Variants in TMTC2 observed in about 807,000 individuals in gnomAD.
TMTC2 encodes the protein protein O-mannosyl-transferase TMTC2.
Under a neutral mutation model 82.4 loss-of-function variants are expected in TMTC2, and 43 were observed. The observed-to-expected ratio is 0.52, with a 90% confidence interval of 0.41 to 0.67. The LOEUF (loss-of-function observed/expected upper bound fraction) is 0.67, where lower values mean the gene tolerates loss of function less well. TMTC2 is among the 30% of genes least tolerant of loss of function. The probability of loss-of-function intolerance (pLI) is 0.00; values close to 1 mark genes in which losing one functional copy is unlikely to be tolerated. For synonymous variants in TMTC2, 408 were observed against 381.9 expected, an observed-to-expected ratio of 1.07 and a Z score of -0.80; for missense variants, 919 against 1,012.4, an observed-to-expected ratio of 0.91 and a Z score of 1.25.
In TMTC2 at chr12:82,687,685, G is replaced by C. The variant is rs574392764; in HGVS notation, c.83+16G>C. On this transcript the variant is annotated intron_variant, in intron 1 of 11. Transcript: ENST00000321196. ...ATGATGACAGGTAAGGGGCCGAGAG[G>C]AGGGGGCGACGGGCTGCAGGGGGCA... 1.1e-5 allele frequency: 17 copies of C among 1,598,614 alleles called. No individual in the cohort carries two copies. The African/African-American group carries it at 1.5e-4, about 14-fold the overall frequency.
chr12:82,862,295 A>G (rs186245348), intron 2 of TMTC2, among the ~76,000 whole-genome samples: 14 of 152,326 alleles, frequency 9.2e-5, no homozygotes, highest in Admixed American at 1.3e-4. Flanking sequence ...TTCTTGCCCA[A>G]CGTCAGTCAT....
intron 1 of TMTC2, among the ~76,000 whole-genome samples, chr12:82,755,079 A>G (rs2136971625): frequency 6.6e-6 from 1 of 152,352 alleles, no homozygotes; most frequent in South Asian, 2.1e-4. Context: ...GTACATGCCA[A>G]CATTCCAACT....
intron 6 of TMTC2, chr12:82,966,089 G>A (rs2137304999): frequency 3.7e-6 from 1 of 272,940 alleles, no homozygotes; most frequent in African/African-American, 2.1e-5. Context: ...TTGGTTTGAT[G>A]ACCCAAGACA....
chr12:82,863,839 G>C (rs554324931), intron 2 of TMTC2, among the ~76,000 whole-genome samples: 1 of 152,346 alleles, frequency 6.6e-6, no homozygotes, highest in South Asian at 2.1e-4. Context: ...GGACTTTATA[G>C]AGTAGTATGA....
intron 11 of TMTC2, among the ~76,000 whole-genome samples, chr12:83,111,502 C>T (rs2137546579): frequency 6.6e-6 from 1 of 152,270 alleles, no homozygotes. Context: ...TGAGGGTTTT[C>T]ACTCAAAAGG....
chr12:83,047,756 T>C (rs569536681), intron 9 of TMTC2, among the ~76,000 whole-genome samples: 37 of 152,346 alleles, frequency 2.4e-4, no homozygotes, highest in African/African-American at 8.4e-4. Context: ...TTTTTGGAAA[T>C]TGTTTACAAA....
intron 8 of TMTC2, among the ~76,000 whole-genome samples, chr12:82,998,908 T>C (rs1479269037): frequency 6.6e-6 from 1 of 152,206 alleles, no homozygotes; most frequent in East Asian, 1.9e-4. Context: ...AATAAATATT[T>C]ATTTTAGAAT....
At chr12:83,045,148 CT>C (rs1174216439) in intron 9 of TMTC2, among the ~76,000 whole-genome samples, 2 of 152,192 alleles carry the variant, frequency 1.3e-5, no homozygotes, top group African/African-American at 4.8e-5. Context: ...TGCTCTTTCC[CT>C]TTTCCCACTT....
chr12:82,765,488 A>G lies in TMTC2; in HGVS notation c.83+77819A>G, dbSNP rs1354681310. Among the ~76,000 whole-genome samples the G allele has an allele frequency of 2.6e-5, 4 of 152,226 alleles. No individual in the cohort carries two copies. In the East Asian group the frequency reaches 7.8e-4, roughly 30 times the overall value. ...TTGGGAGTTTGAGACCAGCCTGATC[A>G]ACATCAAGAAACCCCGTCTCTACTA... On this transcript the variant is annotated intron_variant, in intron 1 of 11. Coordinates refer to ENST00000321196, the MANE Select transcript of TMTC2 (RefSeq NM_152588.3).
chr12:82,819,378 C>CT (rs1317219412), intron 1 of TMTC2, among the ~76,000 whole-genome samples: 1 of 151,778 alleles, frequency 6.6e-6, no homozygotes, highest in Non-Finnish European at 1.5e-5. Context: ...CTCTGAGATC[C>CT]TTTTTTCTCT....
At chr12:83,126,245 G>C (rs577716040) in intron 11 of TMTC2, among the ~76,000 whole-genome samples, 1 of 152,192 alleles carries the variant, frequency 6.6e-6, no homozygotes, top group Admixed American at 6.5e-5. Flanking sequence ...TAGTAAAAGT[G>C]TGAAATGTGT....
intron 1 of TMTC2, among the ~76,000 whole-genome samples, chr12:82,853,916 C>A (rs537851806): frequency 9.3e-5 from 14 of 150,882 alleles, no homozygotes; most frequent in Non-Finnish European, 1.5e-4. Context: ...TCTGGCAACA[C>A]TCTTTGGCAG....
intron 1 of TMTC2, among the ~76,000 whole-genome samples, chr12:82,702,155 CATT>C (rs1231422295): frequency 1.3e-5 from 2 of 152,136 alleles, no homozygotes; most frequent in African/African-American, 2.4e-5. Context: ...TGGAGTAAAA[CATT>C]AGTGATATTG....
At chr12:82,730,292 C>G (rs930480385) in intron 1 of TMTC2, among the ~76,000 whole-genome samples, 8 of 44,326 alleles carry the variant, frequency 1.8e-4, no homozygotes, top group African/African-American at 7.4e-4. Flanking sequence ...AAAACTCTGT[C>G]TCTCAAAAAA....
At chr12:83,050,835 C>A (rs978772059) in intron 9 of TMTC2, 69 bp from the exon 10 acceptor site, 128 of 1,049,018 alleles carry the variant, frequency 1.2e-4, no homozygotes, top group Middle Eastern at 6.8e-4. Context: ...ACTTATTTTT[C>A]TTTAATAACA....
At chr12:83,057,719 T>TAAA (rs398116681) in intron 10 of TMTC2, among the ~76,000 whole-genome samples, 27 of 150,702 alleles carry the variant, frequency 1.8e-4, no homozygotes, top group East Asian at 3.9e-4. Context: ...TCTCTCCAGT[T>TAAA]AAAAAAAAAT....
At chr12:82,709,159 G>A (rs1873512636) in intron 1 of TMTC2, among the ~76,000 whole-genome samples, 1 of 149,560 alleles carries the variant, frequency 6.7e-6, no homozygotes, top group South Asian at 2.1e-4. Context: ...TGTACTTTTT[G>A]AGACTCCCCA....
chr12:83,013,253 C>T (rs955455623), intron 8 of TMTC2, among the ~76,000 whole-genome samples: 7 of 151,420 alleles, frequency 4.6e-5, no homozygotes, highest in South Asian at 2.1e-4. Context: ...TGAAATTAAT[C>T]GATTAGTTAT....
chr12:82,948,872 T>C (rs1226149291), intron 4 of TMTC2, among the ~76,000 whole-genome samples: 1 of 152,106 alleles, frequency 6.6e-6, no homozygotes, highest in Non-Finnish European at 1.5e-5. Flanking sequence ...TTTCCTTTTT[T>C]CTTCCCTCTG....
Sources: gnomAD v4.1 joint callset for allele counts (sites outside exome capture counted in the v4.1 genomes callset) on GRCh38, gnomAD v4.1.1 for gene constraint, MANE v1.5 for transcripts, NCBI Gene and HGNC (gene_info 2026-07-23, HGNC 2026-07-21) for gene names.